Variants in KCTD8 observed in about 807,000 individuals in gnomAD.
KCTD8 encodes potassium channel tetramerization domain containing 8, also known as BTB/POZ domain-containing protein KCTD8.
Under a neutral mutation model 31.5 loss-of-function variants are expected in KCTD8, and 27 were observed. That is an observed-to-expected ratio of 0.86 (90% CI 0.63 to 1.18). KCTD8 has a LOEUF of 1.18. Ranked by LOEUF, KCTD8 falls within the 50% of genes most tolerant of loss-of-function variation. The probability of loss-of-function intolerance (pLI) is 0.00; values close to 1 mark genes in which losing one functional copy is unlikely to be tolerated. For missense variants in KCTD8, 658 were observed against 647.7 expected, an observed-to-expected ratio of 1.02 and a Z score of -0.17; for synonymous variants, 290 against 280.0, an observed-to-expected ratio of 1.04 and a Z score of -0.36.
At position 44,258,392 on chromosome 4, in the gene KCTD8, C is replaced by T. The variant is rs191300265; in HGVS notation, c.962-83142G>A. 7.1e-3 allele frequency among the ~76,000 whole-genome samples: 1,077 copies of T among 151,818 alleles called. 24 individuals are homozygous for T. The highest frequency in any genetic ancestry group is 0.045 in the Admixed American group (682 of 15,224). Reference sequence around the variant, plus strand: ...ATTTTATGATATGAAAATTACATCTCAATAAAGATGTTTTAAAAATAGAGT... The same window carrying T: ...ATTTTATGATATGAAAATTACATCTTAATAAAGATGTTTTAAAAATAGAGT... On this transcript the variant is annotated intron_variant, in intron 1 of 1. Coordinates refer to ENST00000360029, the MANE Select transcript of KCTD8 (RefSeq NM_198353.3).
At position 44,260,513 on chromosome 4, in the gene KCTD8, A is replaced by G. The variant is rs1206504447; in HGVS notation, c.962-85263T>C. The stretch of plus-strand genomic sequence containing the variant: ...GTAAGGGAACAGAGTGGGGAGAGAT[A>G]TCACTTAAGATAGGGTGGTCACAGA... On this transcript the variant is annotated intron_variant, in intron 1 of 1. Coordinates refer to ENST00000360029, the MANE Select transcript of KCTD8 (RefSeq NM_198353.3). Among the ~76,000 whole-genome samples, 5 of 152,084 alleles carry G rather than the reference A, an allele frequency of 3.3e-5. No homozygotes were observed. The South Asian group carries it at 6.2e-4, about 19-fold the overall frequency.
intron 1 of KCTD8, among the ~76,000 whole-genome samples, chr4:44,431,191 A>G (rs1037741463): frequency 2.6e-5 from 4 of 151,666 alleles, no homozygotes; most frequent in Non-Finnish European, 5.9e-5. Context: ...ACTATTTTAG[A>G]GCAGTTCACA....
intron 1 of KCTD8, among the ~76,000 whole-genome samples, chr4:44,306,748 A>G (rs1317601032): frequency 6.6e-6 from 1 of 151,998 alleles, no homozygotes; most frequent in Non-Finnish European, 1.5e-5. Context: ...ATCTGACAGA[A>G]CTAAGGAAGG....
chr4:44,190,665 G>A (rs576108857), intron 1 of KCTD8, among the ~76,000 whole-genome samples: 1 of 152,234 alleles, frequency 6.6e-6, no homozygotes, highest in Admixed American at 6.5e-5. Flanking sequence ...GTTCATGAGG[G>A]GAAAGAATGA....
At chr4:44,368,263 G>C (rs1330806900) in intron 1 of KCTD8, among the ~76,000 whole-genome samples, 1 of 152,148 alleles carries the variant, frequency 6.6e-6, no homozygotes, top group Non-Finnish European at 1.5e-5. Context: ...TGTAGTCCCA[G>C]CTACTTGGGA....
At chr4:44,293,600 C>A in intron 1 of KCTD8, 1 of 347,222 alleles carries the variant, frequency 2.9e-6, no homozygotes, top group Non-Finnish European at 5.6e-6. Context: ...ATTTTAGATG[C>A]TAGATTTCTA....
intron 1 of KCTD8, among the ~76,000 whole-genome samples, chr4:44,426,668 C>T (rs1046118811): frequency 5.3e-5 from 8 of 151,668 alleles, no homozygotes; most frequent in South Asian, 2.1e-4. Flanking sequence ...AAATTAAAAA[C>T]GAATATATTT....
At chr4:44,236,321 G>A (rs914058585) in intron 1 of KCTD8, among the ~76,000 whole-genome samples, 1 of 152,236 alleles carries the variant, frequency 6.6e-6, no homozygotes, top group Non-Finnish European at 1.5e-5. Flanking sequence ...GCTGGAAGAA[G>A]GAGACAGATG....
At position 44,448,253 on chromosome 4, in the gene KCTD8, T is replaced by C. The variant is rs770479018; in HGVS notation, c.271A>G (p.Arg91Gly). Residue 91 changes from arginine (R) to glycine (G), a missense_variant, in exon 1 of 2, where the codon AGG becomes GGG. Physicochemically the swap from Arg to Gly is moderately radical, Grantham distance 125. Transcript: ENST00000360029. This position sits in a 1 kb window ranked among gnomAD's most constrained non-coding sequence, Gnocchi z 4.1. ...GGARRRGELP[R>G]DSRARFFIDR... ...ATGAAGAAGCGCGCCCGGCTGTCCC[T>C]GGGCAGCTCGCCCCGGCGCCGGGCG... The C allele has an allele frequency of 7.5e-6, 12 of 1,608,676 alleles. No individual in the cohort carries two copies. The highest frequency in any genetic ancestry group is 1.0e-5 in the Non-Finnish European group (12 of 1,178,192).
intron 1 of KCTD8, among the ~76,000 whole-genome samples, chr4:44,429,746 A>G (rs1190201090): frequency 1.3e-5 from 2 of 151,770 alleles, no homozygotes; most frequent in African/African-American, 2.4e-5. Context: ...AAATAAAAGG[A>G]ATAATCATTA....
intron 1 of KCTD8, among the ~76,000 whole-genome samples, chr4:44,325,319 C>G (rs746647126): frequency 4.6e-5 from 7 of 151,922 alleles, no homozygotes; most frequent in Non-Finnish European, 7.4e-5. Context: ...GTTCCTAGAA[C>G]TGCCATATTC....
At chr4:44,327,895 C>A (rs1426028528) in intron 1 of KCTD8, among the ~76,000 whole-genome samples, 6 of 151,750 alleles carry the variant, frequency 4.0e-5, no homozygotes, top group Admixed American at 3.9e-4. Flanking sequence ...AGACACTGTT[C>A]CAAGTAATTT....
In KCTD8 at chr4:44,174,692, A is replaced by T. The variant is rs1713145587; in HGVS notation, c.*98T>A. On this transcript the variant is annotated 3_prime_UTR_variant, in exon 2 of 2. Transcript: ENST00000360029. ...TCCACTGTTCACAACAAGGAAGAGCAGCAAGAATCACACTGACCATTGTTA... is the reference window on the plus strand; with the variant it reads ...TCCACTGTTCACAACAAGGAAGAGCTGCAAGAATCACACTGACCATTGTTA... 1 of 871,850 alleles carries T rather than the reference A, an allele frequency of 1.1e-6. No individual in the cohort carries two copies. Among genetic ancestry groups the T allele is most frequent in the Non-Finnish European group, 1.8e-6 (1 of 557,958 alleles). The allele number at this position is 871,850 out of a possible 1,614,324, so 54.0% of individuals were successfully genotyped here. A position where few individuals can be genotyped will look rare whatever the true frequency, so the allele number is the denominator to read the frequency against.
intron 1 of KCTD8, among the ~76,000 whole-genome samples, chr4:44,316,795 GAAAAAAAAA>G (rs71188270): frequency 7.2e-4 from 29 of 40,360 alleles, no homozygotes; most frequent in African/African-American, 1.6e-3. Context: ...CTAAAAATAC[GAAAAAAAAA>G]AAAAAAAAAA....
intron 1 of KCTD8, among the ~76,000 whole-genome samples, chr4:44,364,191 A>G (rs879688028): frequency 6.6e-6 from 1 of 152,182 alleles, no homozygotes; most frequent in African/African-American, 2.4e-5. Context: ...TATCTGATAG[A>G]GGACTTGTAT....
chr4:44,393,879 T>C (rs953100841), intron 1 of KCTD8, among the ~76,000 whole-genome samples: 4 of 151,732 alleles, frequency 2.6e-5, no homozygotes, highest in African/African-American at 9.7e-5. Flanking sequence ...CACTATATGA[T>C]TAAAAAATTA....
chr4:44,440,720 G>A (rs1041889942), intron 1 of KCTD8, among the ~76,000 whole-genome samples: 2 of 152,188 alleles, frequency 1.3e-5, no homozygotes, highest in East Asian at 1.9e-4. Context: ...GAGGGGCTGA[G>A]AATACCACTT....
intron 1 of KCTD8, among the ~76,000 whole-genome samples, chr4:44,310,426 TAAA>T (rs948051697): frequency 6.6e-6 from 1 of 152,044 alleles, no homozygotes; most frequent in African/African-American, 2.4e-5. Context: ...AAAATGAAAA[TAAA>T]AATACAGATT....
chr4:44,202,794 G>C (rs1051755340), intron 1 of KCTD8, among the ~76,000 whole-genome samples: 5 of 151,170 alleles, frequency 3.3e-5, no homozygotes, highest in African/African-American at 1.2e-4. Flanking sequence ...AAAATTGAAA[G>C]GATAAAAAAT....
Sources: gnomAD v4.1 joint callset for allele counts (sites outside exome capture counted in the v4.1 genomes callset) on GRCh38, gnomAD v4.1.1 for gene constraint, Gnocchi (gnomAD v3.1) non-coding constraint, MANE v1.5 for transcripts, NCBI Gene and HGNC (gene_info 2026-07-23, HGNC 2026-07-21) for gene names.